SHOC2: variants seen among roughly 807,000 people sequenced by gnomAD.
The protein encoded by SHOC2 is leucine-rich repeat protein SHOC-2.
A neutral mutation model predicts 50.2 loss-of-function variants in SHOC2; 4 were observed. The ratio of observed to expected loss-of-function variants is 0.08; its 90% CI spans 0.04 to 0.18. The LOEUF (loss-of-function observed/expected upper bound fraction) is 0.18. Among genes scored for constraint, SHOC2 ranks in the 10% least tolerant of loss-of-function variants. SHOC2 has a pLI of 1.00. For synonymous variants in SHOC2, 218 were observed against 244.5 expected, an observed-to-expected ratio of 0.89 and a Z score of 1.01; for missense variants, 388 against 669.6, an observed-to-expected ratio of 0.58 and a Z score of 4.64.
intron 1 of SHOC2, among the ~76,000 whole-genome samples, chr10:110,931,011 T>G (rs1425526783): frequency 6.6e-6 from 1 of 152,124 alleles, no homozygotes; most frequent in Admixed American, 6.5e-5. Flanking sequence ...TGCTCTAAAC[T>G]CTTGTTTTCC....
intron 1 of SHOC2, among the ~76,000 whole-genome samples, chr10:110,926,006 T>C (rs1240315950): frequency 6.6e-6 from 1 of 152,220 alleles, no homozygotes; most frequent in African/African-American, 2.4e-5. Context: ...AAACTAAAAC[T>C]ATCTGGTGTC....
Position 110,964,624 on chromosome 10 carries a change from A to G in SHOC2, c.266A>G (p.Glu89Gly). ...PGTRKKSSNA[E>G]VIKELNKCRE... is the part of the protein sequence containing the mutation. The stretch of plus-strand genomic sequence containing the variant: ...ACTAGAAAAAAATCCAGCAATGCAG[A>G]GGTGATTAAAGAGCTCAACAAATGC... The change falls in exon 2 of 9, where the codon GAG becomes GGG. Residue 89 changes from glutamate (E) to glycine (G), a missense_variant. This residue lies in a region of SHOC2 where 121 missense variants were observed against 145.5 expected (regional missense o/e 0.83). Transcript: ENST00000369452. The surrounding 1 kb of genome is among the most constrained non-coding windows in gnomAD (Gnocchi z 4.9). The G allele has an allele frequency of 6.2e-7, 1 of 1,614,136 alleles. No individual in the cohort carries two copies. The highest frequency in any genetic ancestry group is 8.5e-7 in the Non-Finnish European group (1 of 1,179,996).
intron 1 of SHOC2, among the ~76,000 whole-genome samples, chr10:110,935,090 A>G (rs989511345): frequency 3.3e-5 from 5 of 152,232 alleles, no homozygotes; most frequent in Non-Finnish European, 5.9e-5. Flanking sequence ...ATAGCATACT[A>G]TGCTGTTCTA....
intron 2 of SHOC2, 143 bp from the exon 3 acceptor site, chr10:110,985,485 T>C: frequency 1.8e-6 from 1 of 565,830 alleles, no homozygotes; most frequent in African/African-American, 1.9e-5. Flanking sequence ...TTTAAAATTT[T>C]AAAATAAAAG....
intron 1 of SHOC2, among the ~76,000 whole-genome samples, chr10:110,940,910 G>GTTTTT (rs539552844): frequency 2.9e-4 from 35 of 119,464 alleles, no homozygotes; most frequent in East Asian, 1.5e-3. Context: ...TTTGTGGTGG[G>GTTTTT]TTTTTTTTTT....
At chr10:110,992,666 G>A (rs1848206219) in intron 3 of SHOC2, among the ~76,000 whole-genome samples, 1 of 152,110 alleles carries the variant, frequency 6.6e-6, no homozygotes, top group Non-Finnish European at 1.5e-5. Context: ...ATTAATTATG[G>A]TTATATCAAC....
At chr10:110,965,583 G>GT (rs1191291742) in intron 2 of SHOC2, among the ~76,000 whole-genome samples, 1 of 152,044 alleles carries the variant, frequency 6.6e-6, no homozygotes, top group East Asian at 1.9e-4. Context: ...CATCTTGAAA[G>GT]TACTTACATG....
At chr10:111,011,266 A>C (rs1848561546) in intron 8 of SHOC2, among the ~76,000 whole-genome samples, 2 of 152,160 alleles carry the variant, frequency 1.3e-5, no homozygotes. Flanking sequence ...TATATAAGTA[A>C]ATGTTATATA....
chr10:110,933,364 A>G (rs556416803), intron 1 of SHOC2, among the ~76,000 whole-genome samples: 1 of 152,144 alleles, frequency 6.6e-6, no homozygotes, highest in African/African-American at 2.4e-5. Context: ...TTTTATATAT[A>G]TTTATGATTA....
chr10:110,934,099 C>G (rs1483768626), intron 1 of SHOC2, among the ~76,000 whole-genome samples: 2 of 152,238 alleles, frequency 1.3e-5, no homozygotes, highest in African/African-American at 4.8e-5. Flanking sequence ...TACTAATTTG[C>G]AAGGCTGGAA....
intron 5 of SHOC2, among the ~76,000 whole-genome samples, chr10:111,006,658 C>T (rs1475043311): frequency 1.3e-5 from 2 of 152,202 alleles, no homozygotes; most frequent in East Asian, 3.8e-4. Flanking sequence ...GCGTGAGCCA[C>T]CACGCCCGGC....
At chr10:111,005,922 G>A (rs6585028) in intron 5 of SHOC2, among the ~76,000 whole-genome samples, 142,472 of 152,298 alleles carry the variant, frequency 0.94, 66,704 homozygotes, top group Admixed American at 0.96. Context: ...TAAATATGGT[G>A]TGTATCTTTT....
chr10:110,920,363 T>G (rs938842065), intron 1 of SHOC2, among the ~76,000 whole-genome samples: 1 of 152,130 alleles, frequency 6.6e-6, no homozygotes, highest in African/African-American at 2.4e-5. Flanking sequence ...AGTCTCACTC[T>G]TCCCCGACTT....
intron 1 of SHOC2, among the ~76,000 whole-genome samples, chr10:110,937,628 A>G (rs2134086219): frequency 6.6e-6 from 1 of 152,356 alleles, no homozygotes; most frequent in South Asian, 2.1e-4. Flanking sequence ...TAGAAATCCT[A>G]AGAGCTACAG....
intron 1 of SHOC2, among the ~76,000 whole-genome samples, chr10:110,952,289 C>T (rs1469147566): frequency 2.0e-5 from 3 of 152,136 alleles, no homozygotes; most frequent in East Asian, 1.9e-4. Context: ...ACCCTACAAG[C>T]GAAGTCTTCC....
chr10:110,952,619 C>T (rs993847501), intron 1 of SHOC2, among the ~76,000 whole-genome samples: 6 of 151,950 alleles, frequency 3.9e-5, no homozygotes, highest in African/African-American at 1.5e-4. Context: ...CATGGGTATA[C>T]ATGTGCCATC....
In SHOC2 at chr10:110,964,721, G is replaced by A. The variant is rs115713408; in HGVS notation, c.363G>A (p.Glu121=). The part of the protein sequence containing the change: ...SIHILPSSIK[E]LTQLTELYLY... The stretch of plus-strand genomic sequence containing the variant: ...ACATATTGCCATCATCAATCAAAGA[G>A]TTGACTCAATTAACAGAACTTTATT... Residue 121 remains glutamate, a synonymous_variant, in exon 2 of 9, where the codon GAG becomes GAA. Coordinates refer to ENST00000369452, the MANE Select transcript of SHOC2 (RefSeq NM_007373.4). The surrounding 1 kb of genome is among the most constrained non-coding windows in gnomAD (Gnocchi z 4.9). The A allele has an allele frequency of 9.9e-6, 16 of 1,614,134 alleles. No homozygotes were observed. The African/African-American group carries it at 1.9e-4, about 19-fold the overall frequency.
At position 110,966,941 on chromosome 10, in the gene SHOC2, A is replaced by T. The variant is rs115213304; in HGVS notation, c.703+1880A>T. Among the ~76,000 whole-genome samples, 739 of 152,324 alleles carry T rather than the reference A, an allele frequency of 4.9e-3. 6 individuals carry two copies. The highest frequency in any genetic ancestry group is 0.017 in the African/African-American group (698 of 41,584). Reference sequence around the variant, plus strand: ...TGCTTTTAAAAGTATAATGTTTTTCATAAGGAATTATGATTTATAAAGTTT... The same window carrying T: ...TGCTTTTAAAAGTATAATGTTTTTCTTAAGGAATTATGATTTATAAAGTTT... On this transcript the variant is annotated intron_variant, in intron 2 of 8. Transcript: ENST00000369452.
chr10:110,944,870 TTG>T (rs554633870), intron 1 of SHOC2, among the ~76,000 whole-genome samples: 8 of 152,118 alleles, frequency 5.3e-5, no homozygotes, highest in Non-Finnish European at 2.9e-5. Context: ...CCAGAGGATT[TTG>T]TGTGTGTGTG....
Sources: allele counts gnomAD v4.1 joint callset (sites outside exome capture counted in the v4.1 genomes callset), GRCh38; gene constraint gnomAD v4.1.1; regional missense constraint gnomAD v4.1.1; non-coding constraint Gnocchi (gnomAD v3.1); transcripts MANE v1.5; gene names NCBI Gene and HGNC (gene_info 2026-07-23, HGNC 2026-07-21).